PEX7: variants seen among roughly 807,000 people sequenced by gnomAD.
PEX7 encodes PTS2 receptor.
In PEX7, 34 loss-of-function variants were observed where a neutral mutation model predicts 47.5. The observed-to-expected ratio is 0.72, with a 90% CI of 0.54 to 0.95. PEX7 has a LOEUF of 0.95. Among genes scored for constraint, PEX7 ranks in the 40% least tolerant of loss-of-function variants. The pLI is 0.00. For missense variants in PEX7, 394 were observed against 400.3 expected (o/e 0.98, Z 0.13); for synonymous variants, 141 against 148.8 (o/e 0.95, Z 0.38).
intron 8 of PEX7, among the ~76,000 whole-genome samples, chr6:136,896,766 G>T (rs1775658770): frequency 1.3e-5 from 2 of 152,104 alleles, no homozygotes; most frequent in African/African-American, 4.8e-5. Context: ...GTAGCCACAT[G>T]CAGAATCATT....
chr6:136,864,259 ATGT>A (rs1224189313), intron 5 of PEX7, among the ~76,000 whole-genome samples: 5 of 152,076 alleles, frequency 3.3e-5, no homozygotes, highest in South Asian at 2.1e-4. Flanking sequence ...ACTATTATTC[ATGT>A]TGTTATTATT....
chr6:136,889,741 A>C, intron 8 of PEX7, among the ~76,000 whole-genome samples: 1 of 152,232 alleles, frequency 6.6e-6, no homozygotes, highest in South Asian at 2.1e-4. Flanking sequence ...AAAATAAATG[A>C]GCTCCATGAG....
chr6:136,826,269 T>G, intron 2 of PEX7, 50 bp from the exon 3 acceptor site: 2 of 1,589,466 alleles, frequency 1.3e-6, no homozygotes, highest in Non-Finnish European at 1.7e-6. Context: ...GTTGTGTAGC[T>G]GCCTATGTAA....
At chr6:136,906,200 A>T (rs1008361454) in intron 9 of PEX7, among the ~76,000 whole-genome samples, 1 of 152,224 alleles carries the variant, frequency 6.6e-6, no homozygotes, top group Non-Finnish European at 1.5e-5. Flanking sequence ...TCACCACTGT[A>T]AATGAACATG....
chr6:136,859,205 G>A (rs1582752838), intron 5 of PEX7, among the ~76,000 whole-genome samples: 3 of 152,124 alleles, frequency 2.0e-5, no homozygotes, highest in Non-Finnish European at 2.9e-5. Flanking sequence ...GCTAAGACAG[G>A]CCAAAATGGG....
In PEX7 at chr6:136,845,702, C is replaced by G; in HGVS notation, c.417+10C>G. ...TCAAACTGTCAAATTGGTATGTTAG[C>G]ATTATTGTATTCAAAAACGAATATT... is the stretch of plus-strand genomic sequence containing the variant. On this transcript the variant is annotated intron_variant, in intron 4 of 9. Transcript: ENST00000318471. 3 of 1,543,526 alleles carry G rather than the reference C, an allele frequency of 1.9e-6. No individual in the cohort carries two copies. Among genetic ancestry groups the G allele is most frequent in the Non-Finnish European group, 2.7e-6 (3 of 1,115,626 alleles).
Position 136,846,104 on chromosome 6 carries a change from C to A in PEX7, c.449C>A (p.Thr150Asn), listed in dbSNP as rs957954726. 1.1e-5 allele frequency: 17 copies of A among 1,612,976 alleles called. No individual in the cohort carries two copies. Among genetic ancestry groups the A allele is most frequent in the Non-Finnish European group, 1.4e-5 (17 of 1,179,154 alleles). Residue 150 changes from threonine to asparagine, a missense_variant, in exon 5 of 10, where the codon ACC becomes AAC. Physicochemically the swap from Thr to Asn is moderately conservative, Grantham distance 65. Transcript: ENST00000318471. ...WDPTVGKSLC[T>N]FRGHESIIYS... ...CCAACTGTTGGAAAGTCTCTGTGCA[C>A]CTTTAGAGGCCATGAAAGTATTATT...
At chr6:136,855,365 A>T (rs1271460919) in intron 5 of PEX7, among the ~76,000 whole-genome samples, 5 of 137,244 alleles carry the variant, frequency 3.6e-5, no homozygotes, top group African/African-American at 1.4e-4. Context: ...TTTTTTTGAG[A>T]CGGAGTCTCT....
rs143235268 is a variant in PEX7, at chr6:136,880,487, C to T, written c.803+8234C>T. Among the ~76,000 whole-genome samples, 298 of 152,268 alleles carry T rather than the reference C, an allele frequency of 2.0e-3. 3 individuals are homozygous for T. The highest frequency in any genetic ancestry group is 6.4e-3 in the African/African-American group (267 of 41,566). On this transcript the variant is annotated intron_variant, in intron 8 of 9. Transcript: ENST00000318471. ...GCCCTCTCTGTACCATTCAGTGTTC[C>T]CCACACTGTCCTTGCCATTCACACA...
At position 136,904,670 on chromosome 6, in the gene PEX7, G is replaced by A. The variant is rs141489656; in HGVS notation, c.903+6429G>A. Among the ~76,000 whole-genome samples the A allele has an allele frequency of 1.4e-4, 20 of 147,900 alleles. No individual in the cohort carries two copies. In the East Asian group the frequency reaches 4.0e-3, roughly 30 times the overall value. On this transcript the variant is annotated intron_variant, in intron 9 of 9. Coordinates refer to ENST00000318471, the MANE Select transcript of PEX7 (RefSeq NM_000288.4). Reference sequence around the variant, plus strand: ...TTTTTTACTGCTGCCATCCATGTAAGATGTGACATGCTCCTCCTTGTCTTC... The same window carrying A: ...TTTTTTACTGCTGCCATCCATGTAAAATGTGACATGCTCCTCCTTGTCTTC...
intron 5 of PEX7, among the ~76,000 whole-genome samples, chr6:136,858,031 G>T (rs1385147298): frequency 6.6e-6 from 1 of 152,102 alleles, no homozygotes; most frequent in Admixed American, 6.5e-5. Context: ...GCCCAGGCTG[G>T]TCTAGAACTC....
At chr6:136,823,886 G>C (rs1339924354) in intron 1 of PEX7, among the ~76,000 whole-genome samples, 1 of 152,124 alleles carries the variant, frequency 6.6e-6, no homozygotes, top group Non-Finnish European at 1.5e-5. Flanking sequence ...GCAAAACTCC[G>C]TCTCAAAAAA....
Position 136,900,824 on chromosome 6 carries a change from C to G in PEX7, c.903+2583C>G. The G allele has an allele frequency of 6.1e-6, 2 of 327,864 alleles. No individual in the cohort carries two copies. Among genetic ancestry groups the G allele is most frequent in the South Asian group, 2.8e-5 (1 of 35,402 alleles). 20.3% of individuals were successfully genotyped at this position (327,864 alleles called of 1,614,324 possible). A position where few individuals can be genotyped will look rare whatever the true frequency, so the allele number is the denominator to read the frequency against. ...CCAACAGCTTTCTTCTCAGCCTGGG[C>G]CAAGTCTCTGCCTCTTCTCTTGCTT... On this transcript the variant is annotated intron_variant, in intron 9 of 9. Coordinates refer to ENST00000318471, the MANE Select transcript of PEX7 (RefSeq NM_000288.4). The surrounding 1 kb of genome is among the most constrained non-coding windows in gnomAD (Gnocchi z 4.2).
intron 3 of PEX7, among the ~76,000 whole-genome samples, chr6:136,844,471 C>T (rs548677353): frequency 3.3e-5 from 5 of 152,184 alleles, no homozygotes; most frequent in Middle Eastern, 3.4e-3. Flanking sequence ...ACATATCCAT[C>T]ACTTGAATGG....
At position 136,913,830 on chromosome 6, in the gene PEX7, A is replaced by G; in HGVS notation, c.*304A>G. ...AAAATATGGGAGATCAGTAGGTTATACTTATATAGATAGTGATATATTTCA... is the reference window on the plus strand; with the variant it reads ...AAAATATGGGAGATCAGTAGGTTATGCTTATATAGATAGTGATATATTTCA... On this transcript the variant is annotated 3_prime_UTR_variant, in exon 10 of 10. Transcript: ENST00000318471. The G allele has an allele frequency of 3.3e-6, 1 of 302,628 alleles. No homozygotes were observed. Among genetic ancestry groups the G allele is most frequent in the South Asian group, 5.5e-5 (1 of 18,146 alleles). The allele number at this position is 302,628 out of a possible 1,614,324, so 18.7% of individuals were successfully genotyped here.
At chr6:136,824,441 G>A (rs1272754314) in intron 1 of PEX7, among the ~76,000 whole-genome samples, 1 of 152,048 alleles carries the variant, frequency 6.6e-6, no homozygotes, top group Non-Finnish European at 1.5e-5. Context: ...GGGTGCAAGC[G>A]ATCTTCCTGC....
At chr6:136,837,739 T>G (rs962568625) in intron 3 of PEX7, among the ~76,000 whole-genome samples, 1 of 151,790 alleles carries the variant, frequency 6.6e-6, no homozygotes, top group African/African-American at 2.4e-5. Flanking sequence ...AAGGTACAAC[T>G]TGAAGGGACT....
At chr6:136,904,123 T>C (rs1193060545) in intron 9 of PEX7, among the ~76,000 whole-genome samples, 1 of 152,210 alleles carries the variant, frequency 6.6e-6, no homozygotes, top group Non-Finnish European at 1.5e-5. Context: ...GCAAGCATTA[T>C]TGGTAGTTAG....
intron 8 of PEX7, among the ~76,000 whole-genome samples, chr6:136,894,739 G>A (rs115569165): frequency 0.016 from 2,391 of 152,220 alleles, 71 homozygotes; most frequent in African/African-American, 0.055. Flanking sequence ...AATAAAAAAT[G>A]TTCCTAGAGT....
Sources: gnomAD v4.1 joint callset for allele counts (sites outside exome capture counted in the v4.1 genomes callset) on GRCh38, gnomAD v4.1.1 for gene constraint, Gnocchi (gnomAD v3.1) non-coding constraint, MANE v1.5 for transcripts, NCBI Gene and HGNC (gene_info 2026-07-23, HGNC 2026-07-21) for gene names.